MYLK: variants seen among roughly 807,000 people sequenced by gnomAD.
MYLK encodes myosin light chain kinase, smooth muscle.
A neutral mutation model predicts 203.4 loss-of-function variants in MYLK; 106 were observed. That is an observed-to-expected ratio of 0.52 (90% confidence interval 0.45 to 0.61). The LOEUF (loss-of-function observed/expected upper bound fraction) is 0.61. MYLK is among the 20% of genes least tolerant of loss of function. The pLI is 0.00. For synonymous variants in MYLK, 867 were observed against 959.5 expected, an observed-to-expected ratio of 0.90 and a Z score of 1.78; for missense variants, 2,072 against 2,442.3, an observed-to-expected ratio of 0.85 and a Z score of 3.20.
chr3:123,690,543 C>T (rs1209334472), intron 19 of MYLK, among the ~76,000 whole-genome samples: 8 of 152,212 alleles, frequency 5.3e-5, no homozygotes, highest in Middle Eastern at 3.4e-3. Context: ...GAGCACCAGA[C>T]GATAGAAAGG....
Position 123,752,512 on chromosome 3 carries a change from C to G in MYLK, c.192G>C (p.Val64=). The G allele has an allele frequency of 6.2e-7, 1 of 1,613,862 alleles. No individual in the cohort carries two copies. Among genetic ancestry groups the G allele is most frequent in the South Asian group, 1.1e-5 (1 of 91,070 alleles). The stretch of plus-strand genomic sequence containing the variant: ...TGGGTTGCCCGTTTCTGTGCCATGT[C>G]ACCTGGGGCTCTGGGTAACCCCGGA... ...GRVRGYPEPQ[V]TWHRNGQPIT... The change falls in exon 5 of 34, where the codon GTG becomes GTC. Residue 64 remains valine (V), a synonymous_variant. Coordinates refer to ENST00000360304, the MANE Select transcript of MYLK (RefSeq NM_053025.4).
intron 2 of MYLK, among the ~76,000 whole-genome samples, chr3:123,866,990 TC>T (rs2032374475): frequency 6.6e-6 from 1 of 151,970 alleles, no homozygotes; most frequent in Non-Finnish European, 1.5e-5. Flanking sequence ...AACACCCCTT[TC>T]CCTCGGTGGC....
intron 19 of MYLK, among the ~76,000 whole-genome samples, chr3:123,687,438 C>CT (rs896687565): frequency 1.3e-5 from 2 of 152,142 alleles, no homozygotes; most frequent in African/African-American, 4.8e-5. Flanking sequence ...GACTCAGTCT[C>CT]TGTTTGCCTG....
rs112548168 is a variant in MYLK, at chr3:123,703,187, G to A, written c.2391-1678C>T. Among the ~76,000 whole-genome samples the A allele has an allele frequency of 5.7e-4, 87 of 152,304 alleles. 2 individuals carry two copies. Among genetic ancestry groups the A allele is most frequent in the African/African-American group, 2.0e-3 (82 of 41,566 alleles). On this transcript the variant is annotated intron_variant, in intron 16 of 33. Transcript: ENST00000360304. ...CACTCTGCCTGGCCTCCCTCCCAGT[G>A]GACAGACACTGGTAGCCCATGGCCT...
At chr3:123,632,749 C>T (rs2058487790) in intron 29 of MYLK, among the ~76,000 whole-genome samples, 1 of 151,346 alleles carries the variant, frequency 6.6e-6, no homozygotes, top group African/African-American at 2.4e-5. Context: ...TTTTAAAAAC[C>T]TTTTTGGGGA....
At chr3:123,850,306 G>A (rs941769320) in intron 2 of MYLK, among the ~76,000 whole-genome samples, 2 of 152,126 alleles carry the variant, frequency 1.3e-5, no homozygotes, top group Non-Finnish European at 2.9e-5. Context: ...CTAGATCCTT[G>A]AGTAATTGCC....
chr3:123,737,582 G>T lies in MYLK; in HGVS notation c.589-39C>A, dbSNP rs1455975423. On this transcript the variant is annotated intron_variant, in intron 7 of 33. Coordinates refer to ENST00000360304, the MANE Select transcript of MYLK (RefSeq NM_053025.4). Reference sequence around the variant, plus strand: ...TGGGGTAACTTGGTCATACAAATCTGCTCACCTTCTGGCTGTGTCCTCCTG... The same window carrying T: ...TGGGGTAACTTGGTCATACAAATCTTCTCACCTTCTGGCTGTGTCCTCCTG... The T allele has an allele frequency of 2.5e-6, 4 of 1,612,808 alleles. No individual in the cohort carries two copies. The African/African-American group carries it at 5.3e-5, about 22-fold the overall frequency.
intron 27 of MYLK, among the ~76,000 whole-genome samples, chr3:123,643,377 G>C (rs2058901350): frequency 1.3e-5 from 2 of 152,196 alleles, no homozygotes; most frequent in South Asian, 4.1e-4. Context: ...GAATGTCTGA[G>C]GCAGTGAGTG....
intron 20 of MYLK, among the ~76,000 whole-genome samples, chr3:123,678,501 T>G (rs2060149547): frequency 6.6e-6 from 1 of 152,006 alleles, no homozygotes; most frequent in Admixed American, 6.6e-5. Context: ...TCCCTCATGC[T>G]TGTCAGTGCT....
chr3:123,682,496 G>T (rs2060303600), intron 19 of MYLK, among the ~76,000 whole-genome samples, 186 bp from the exon 20 acceptor site: 1 of 152,206 alleles, frequency 6.6e-6, no homozygotes, highest in African/African-American at 2.4e-5. Context: ...ATCAAAGAAG[G>T]ACCGTCCACT....
intron 3 of MYLK, among the ~76,000 whole-genome samples, chr3:123,794,265 G>C (rs1255540111): frequency 6.6e-6 from 1 of 152,244 alleles, no homozygotes; most frequent in Non-Finnish European, 1.5e-5. Flanking sequence ...GCAGAAAGTA[G>C]AAACTGCTTT....
At chr3:123,625,485 AG>A in intron 31 of MYLK, among the ~76,000 whole-genome samples, 1 of 150,062 alleles carries the variant, frequency 6.7e-6, no homozygotes, top group South Asian at 2.1e-4. Flanking sequence ...AAAAAAAAAA[AG>A]AAACCATGTC....
intron 3 of MYLK, among the ~76,000 whole-genome samples, chr3:123,804,766 T>G (rs1490949608): frequency 1.3e-5 from 2 of 152,136 alleles, no homozygotes; most frequent in Non-Finnish European, 2.9e-5. Context: ...GTCCTCTCTA[T>G]GCAGTTTAGG....
intron 4 of MYLK, among the ~76,000 whole-genome samples, chr3:123,753,068 G>GGTTCAGGA (rs1358214335): frequency 1.3e-5 from 2 of 152,172 alleles, no homozygotes; most frequent in Non-Finnish European, 2.9e-5. Flanking sequence ...TGAGTAGCAA[G>GGTTCAGGA]GTTCAGGACC....
chr3:123,703,157 C>T (rs2061317710), intron 16 of MYLK, among the ~76,000 whole-genome samples: 1 of 152,136 alleles, frequency 6.6e-6, no homozygotes, highest in Non-Finnish European at 1.5e-5. Flanking sequence ...TGTGGGTCTC[C>T]ACCTCACTCT....
At position 123,722,208 on chromosome 3, in the gene MYLK, G is replaced by A. The variant is rs761639849; in HGVS notation, c.1724C>T (p.Pro575Leu). The change falls in exon 13 of 34, where the codon CCG (proline) becomes CTG (leucine). Residue 575 changes from proline (P) to leucine (L), a missense_variant. Pro to Leu is a moderately conservative substitution (Grantham distance 98). This residue lies in a region of MYLK where 865 missense variants were observed against 1,016.0 expected (regional missense o/e 0.85). Coordinates refer to ENST00000360304, the MANE Select transcript of MYLK (RefSeq NM_053025.4). The part of the protein sequence containing the change: ...VAELHIQDAL[P>L]EDHGTYTCLA... ...GCAGGTGTAGGTGCCATGGTCCTCCGGCAGGGCATCCTGGATGTGGAGCTC... is the reference window on the plus strand; with the variant it reads ...GCAGGTGTAGGTGCCATGGTCCTCCAGCAGGGCATCCTGGATGTGGAGCTC... 93 of 1,562,170 alleles carry A rather than the reference G, an allele frequency of 6.0e-5. No homozygotes were observed. Among genetic ancestry groups the A allele is most frequent in the South Asian group, 2.4e-4 (20 of 84,656 alleles).
chr3:123,773,819 C>T (rs1460524331), intron 4 of MYLK, among the ~76,000 whole-genome samples: 2 of 152,188 alleles, frequency 1.3e-5, no homozygotes, highest in Non-Finnish European at 2.9e-5. Flanking sequence ...CAGCCCACAC[C>T]CCTGCCACGA....
Position 123,733,765 on chromosome 3 carries a change from A to T in MYLK, c.1231T>A (p.Ser411Thr), listed in dbSNP as rs2062573497. 6.2e-7 allele frequency: 1 copy of T among 1,614,192 alleles called. No homozygotes were observed. Residue 411 changes from serine (S) to threonine (T), a missense_variant, in exon 10 of 34, where the codon TCA (serine) becomes ACA (threonine). Transcript: ENST00000360304. ...TTGCTCTCAAATTTGGGGAATGCTG[A>T]ATCCCTCTGGCCCTCCATGGGGATT... is the stretch of plus-strand genomic sequence containing the variant. ...RRIPMEGQRDSAFPKFESKPQ... is the reference protein window; with the variant it reads ...RRIPMEGQRDTAFPKFESKPQ...
At chr3:123,728,208 AAAAC>A (rs2062357417) in intron 11 of MYLK, among the ~76,000 whole-genome samples, 1 of 152,214 alleles carries the variant, frequency 6.6e-6, no homozygotes, top group Non-Finnish European at 1.5e-5. Context: ...GCATTCAATA[AAAAC>A]AAACAAACAT....
Sources: allele counts gnomAD v4.1 joint callset (sites outside exome capture counted in the v4.1 genomes callset), GRCh38; gene constraint gnomAD v4.1.1; regional missense constraint gnomAD v4.1.1; transcripts MANE v1.5; gene names NCBI Gene and HGNC (gene_info 2026-07-23, HGNC 2026-07-21).